Variants in PKN3 observed in about 807,000 individuals in gnomAD.
The protein encoded by PKN3 is protein kinase N3.
A neutral mutation model predicts 113.1 loss-of-function variants in PKN3; 91 were observed. The observed-to-expected ratio is 0.80, with a 90% CI of 0.68 to 0.96. The LOEUF is 0.96. PKN3 is among the 40% of genes least tolerant of loss of function. PKN3 has a pLI of 0.00. For synonymous variants in PKN3, 467 were observed against 499.0 expected, an observed-to-expected ratio of 0.94 and a Z score of 0.85; for missense variants, 1,052 against 1,202.2, an observed-to-expected ratio of 0.88 and a Z score of 1.85.
chr9:128,713,063 G>C lies in PKN3; in HGVS notation c.847G>C (p.Val283Leu). 1 of 1,607,400 alleles carries C rather than the reference G, an allele frequency of 6.2e-7. No homozygotes were observed. Among genetic ancestry groups the C allele is most frequent in the African/African-American group, 1.3e-5 (1 of 74,924 alleles). ...CACTCTCCCCACAGGGACACTGCAG[G>C]TCCGCCTCCTGGGCTGTGAACAGTT... The part of the protein sequence containing the change: ...KPTALTGTLQ[V>L]RLLGCEQLLT... The change falls in exon 7 of 22, where the codon GTC becomes CTC. Residue 283 changes from valine to leucine, a missense_variant. This residue lies in a region of PKN3 where 719 missense variants were observed against 759.4 expected (regional missense o/e 0.95). Coordinates refer to ENST00000291906, the MANE Select transcript of PKN3 (RefSeq NM_013355.5).
Position 128,714,374 on chromosome 9 carries a change from C to A in PKN3, c.1481+9C>A, listed in dbSNP as rs1433487404. 1.9e-6 allele frequency: 3 copies of A among 1,594,178 alleles called. No individual in the cohort carries two copies. The highest frequency in any genetic ancestry group is 2.6e-6 in the Non-Finnish European group (3 of 1,168,600). Reference sequence around the variant, plus strand: ...GACCCTGCCACTCCCAGGTGAGGAGCTCCCTTGCCCTAGACTGCATGCTCC... The same window carrying A: ...GACCCTGCCACTCCCAGGTGAGGAGATCCCTTGCCCTAGACTGCATGCTCC... On this transcript the variant is annotated intron_variant, in intron 11 of 21. Coordinates refer to ENST00000291906, the MANE Select transcript of PKN3 (RefSeq NM_013355.5).
intron 19 of PKN3, 40 bp downstream of exon 19, chr9:128,719,868 G>GC: frequency 6.2e-7 from 1 of 1,602,628 alleles, no homozygotes; most frequent in Non-Finnish European, 8.5e-7. Flanking sequence ...CTGGGTGGGG[G>GC]TGGGGTGGCC....
rs766436129 is a variant in PKN3, at chr9:128,720,170, A to G, written c.2377-33A>G. 4.2e-5 allele frequency: 67 copies of G among 1,602,586 alleles called. No individual in the cohort carries two copies. The highest frequency in any genetic ancestry group is 1.7e-4 in the Middle Eastern group (1 of 6,048). On this transcript the variant is annotated intron_variant, in intron 20 of 21. Transcript: ENST00000291906. This position sits in a 1 kb window ranked among gnomAD's most constrained non-coding sequence, Gnocchi z 5.5. ...GGATGATGGCAGTGCCTGGGGCTGA[A>G]TGCCCTAAGTGAGCGCCTGTCCTAT...
chr9:128,716,009 A>T (rs1030959852), intron 15 of PKN3, among the ~76,000 whole-genome samples: 9 of 150,590 alleles, frequency 6.0e-5, no homozygotes, highest in African/African-American at 2.2e-4. Context: ...AATTAAAAAA[A>T]AAAAAAGGAG....
rs770054545 is a variant in PKN3, at chr9:128,703,726, CG to C, written c.24+791del. On this transcript the variant is annotated intron_variant, in intron 1 of 21. Coordinates refer to ENST00000291906, the MANE Select transcript of PKN3 (RefSeq NM_013355.5). ...GGCAGACGGGACCATGGGGGTGTTG[CG>C]GGGTGCGTGTAGACTCCTTGAGCGC... 1,185 of 985,376 alleles carry C rather than the reference CG, an allele frequency of 1.2e-3. 1 individual carries two copies. Among genetic ancestry groups the C allele is most frequent in the Middle Eastern group, 5.2e-3 (10 of 1,914 alleles). 61.0% of individuals were successfully genotyped at this position (985,376 alleles called of 1,614,324 possible).
intron 6 of PKN3, 125 bp downstream of exon 6, chr9:128,707,530 C>T: frequency 4.0e-6 from 3 of 752,162 alleles, no homozygotes; most frequent in Non-Finnish European, 6.3e-6. Flanking sequence ...GCAGCGTGAC[C>T]TTGGCAAACT....
chr9:128,705,061 G>C (rs557780824), intron 1 of PKN3, among the ~76,000 whole-genome samples: 1 of 152,154 alleles, frequency 6.6e-6, no homozygotes, highest in African/African-American at 2.4e-5. Flanking sequence ...CGTGTGAACT[G>C]TCCCCCCCGC....
intron 16 of PKN3, 53 bp downstream of exon 16, chr9:128,716,976 T>A: frequency 6.8e-7 from 1 of 1,481,080 alleles, no homozygotes; most frequent in Non-Finnish European, 9.4e-7. Flanking sequence ...CCTGGTTCCC[T>A]ACACCCACTC....
intron 18 of PKN3, among the ~76,000 whole-genome samples, chr9:128,718,935 G>T (rs975946629): frequency 7.7e-6 from 1 of 130,338 alleles, no homozygotes; most frequent in Non-Finnish European, 1.6e-5. Context: ...TTGCTGTGCC[G>T]CCCAGGATGC....
chr9:128,709,308 A>T (rs1186515631), intron 6 of PKN3, among the ~76,000 whole-genome samples: 1 of 150,922 alleles, frequency 6.6e-6, no homozygotes, highest in African/African-American at 2.4e-5. Context: ...AAATAAAAAA[A>T]TTAGCCAGGT....
Position 128,714,633 on chromosome 9 carries a change from T to C in PKN3, c.1553T>C (p.Leu518Pro). Reference sequence around the variant, plus strand: ...CCACCCAAGCCCCCACGCCTCTACCTCCCCCAGGAGCCAACATCCGAGGAG... The same window carrying C: ...CCACCCAAGCCCCCACGCCTCTACCCCCCCCAGGAGCCAACATCCGAGGAG... ...TPPPKPPRLY[L>P]PQEPTSEETP... The change falls in exon 12 of 22, where the codon CTC becomes CCC. Residue 518 changes from leucine (L) to proline (P), a missense_variant. Leu to Pro is a moderately conservative substitution (Grantham distance 98, BLOSUM62 -3). This residue lies in a region of PKN3 where 719 missense variants were observed against 759.4 expected (regional missense o/e 0.95). Transcript: ENST00000291906. 2 of 1,413,232 alleles carry C rather than the reference T, an allele frequency of 1.4e-6. No individual in the cohort carries two copies. Among genetic ancestry groups the C allele is most frequent in the Non-Finnish European group, 2.0e-6 (2 of 997,940 alleles). The allele number at this position is 1,413,232 out of a possible 1,614,324, so 87.5% of individuals were successfully genotyped here. A position where few individuals can be genotyped will look rare whatever the true frequency, so the allele number is the denominator to read the frequency against.
chr9:128,703,976 T>C (rs960646223), intron 1 of PKN3: 85 of 985,348 alleles, frequency 8.6e-5, no homozygotes, highest in Non-Finnish European at 1.0e-4. Context: ...GCTCTGGCCC[T>C]GTGGCCTAGG....
In PKN3 at chr9:128,705,390, G is replaced by T; in HGVS notation, c.112G>T (p.Glu38Ter). The T allele has an allele frequency of 6.3e-7, 1 of 1,597,716 alleles. No homozygotes were observed. Among genetic ancestry groups the T allele is most frequent in the Non-Finnish European group, 8.5e-7 (1 of 1,172,710 alleles). ...AGAGCTGAAGATCAAGGAGGGGGTGGAGAACCTGCGGCGCGTGGCCACAGA... is the reference window on the plus strand; with the variant it reads ...AGAGCTGAAGATCAAGGAGGGGGTGTAGAACCTGCGGCGCGTGGCCACAGA... ...QKELKIKEGVENLRRVATDRR... is the reference protein window; with the variant it reads ...QKELKIKEGV Residue 38 changes from glutamate (E) to a stop codon, truncating the protein, a stop_gained, in exon 2 of 22, where the codon GAG (glutamate) becomes TAG (stop). Coordinates refer to ENST00000291906, the MANE Select transcript of PKN3 (RefSeq NM_013355.5). LOFTEE classifies it high-confidence loss of function.
At chr9:128,705,692 C>T in intron 2 of PKN3, 42 bp from the exon 3 acceptor site, 1 of 1,561,018 alleles carries the variant, frequency 6.4e-7, no homozygotes. Context: ...GGGGTCTCGG[C>T]TCTGGGTGAG....
At position 128,714,251 on chromosome 9, in the gene PKN3, G is replaced by A. The variant is rs536918275; in HGVS notation, c.1367G>A (p.Arg456His). The A allele has an allele frequency of 1.8e-5, 29 of 1,613,904 alleles. No homozygotes were observed. The Middle Eastern group carries it at 6.6e-4, about 37-fold the overall frequency. The change falls in exon 11 of 22, where the codon CGC (arginine) becomes CAC (histidine). Residue 456 changes from arginine (R) to histidine (H), a missense_variant. Transcript: ENST00000291906. Reference sequence around the variant, plus strand: ...AACCTCGGCATGGCGGCCTGGGGGCGCCTCGTCATGAACCTGCTGCCCCCC... The same window carrying A: ...AACCTCGGCATGGCGGCCTGGGGGCACCTCGTCATGAACCTGCTGCCCCCC... The part of the protein sequence containing the change: ...QMNLGMAAWG[R>H]LVMNLLPPCS...
intron 18 of PKN3, among the ~76,000 whole-genome samples, chr9:128,718,926 TG>T (rs944450906): frequency 6.8e-6 from 1 of 146,930 alleles, no homozygotes; most frequent in Non-Finnish European, 1.5e-5. Context: ...GACGGAGTCT[TG>T]CTGTGCCGCC....
rs1862221417 is a variant in PKN3, at chr9:128,712,995, G to A, written c.836-57G>A. The A allele has an allele frequency of 4.6e-6, 7 of 1,537,774 alleles. 1 individual carries two copies. The South Asian group carries it at 4.8e-5, about 11-fold the overall frequency. On this transcript the variant is annotated intron_variant, in intron 6 of 21. Coordinates refer to ENST00000291906, the MANE Select transcript of PKN3 (RefSeq NM_013355.5). ...CCTTCCTGGGGTCCCAGGACACCTT[G>A]GTGGTAGCAGTGGGAAGATGGCATC... is the stretch of plus-strand genomic sequence containing the variant.
intron 6 of PKN3, 22 bp from the exon 7 acceptor site, chr9:128,713,030 C>T (rs779926318): frequency 6.4e-7 from 1 of 1,574,396 alleles, no homozygotes; most frequent in Non-Finnish European, 8.6e-7. Flanking sequence ...CTGACAACGC[C>T]CCCCGCTCAC....
rs1862307854 is a variant in PKN3 at position 128,715,334 on chromosome 9, G to C, written c.1717-35G>C. The C allele has an allele frequency of 1.2e-6, 2 of 1,608,348 alleles. No individual in the cohort carries two copies. Among genetic ancestry groups the C allele is most frequent in the Non-Finnish European group, 1.7e-6 (2 of 1,174,822 alleles). On this transcript the variant is annotated intron_variant, in intron 14 of 21. Transcript: ENST00000291906. The surrounding 1 kb of genome is among the most constrained non-coding windows in gnomAD (Gnocchi z 4.1). ...GGGGGCGGTAAAGGCTCCCTGGTCTGGCCCACCTGGAGCACAACCTCTCTC... is the reference window on the plus strand; with the variant it reads ...GGGGGCGGTAAAGGCTCCCTGGTCTCGCCCACCTGGAGCACAACCTCTCTC...
Sources: allele counts gnomAD v4.1 joint callset (sites outside exome capture counted in the v4.1 genomes callset), GRCh38; gene constraint gnomAD v4.1.1; regional missense constraint gnomAD v4.1.1; non-coding constraint Gnocchi (gnomAD v3.1); transcripts MANE v1.5; gene names NCBI Gene and HGNC (gene_info 2026-07-23, HGNC 2026-07-21).